Variants in PHF21A observed in about 807,000 individuals in gnomAD.
PHF21A encodes the protein BHC80a.
PHF21A carries 11 observed loss-of-function variants against 82.5 expected under a neutral mutation model. The observed-to-expected ratio is 0.13, with a 90% CI of 0.08 to 0.22. The LOEUF (loss-of-function observed/expected upper bound fraction) is 0.22. PHF21A is among the 10% of genes least tolerant of loss of function. PHF21A has a pLI of 1.00. For synonymous variants in PHF21A, 297 were observed against 302.8 expected, an observed-to-expected ratio of 0.98 and a Z score of 0.20; for missense variants, 579 against 837.8, an observed-to-expected ratio of 0.69 and a Z score of 3.81.
chr11:46,097,342 G>A (rs1274384829), intron 1 of PHF21A, among the ~76,000 whole-genome samples: 3 of 151,978 alleles, frequency 2.0e-5, no homozygotes, highest in African/African-American at 7.2e-5. Context: ...TCTGCCACTC[G>A]AAGCCGTCCC....
chr11:46,058,343 C>T (rs766819387), intron 6 of PHF21A, among the ~76,000 whole-genome samples: 1 of 152,102 alleles, frequency 6.6e-6, no homozygotes, highest in African/African-American at 2.4e-5. Context: ...GTTGGTAAAA[C>T]GAAACCTGAT....
rs75062866 is a variant in PHF21A, at chr11:46,031,728, C to T, written c.153+45026G>A. On this transcript the variant is annotated intron_variant, in intron 6 of 18. Transcript: ENST00000676320. The stretch of plus-strand genomic sequence containing the variant: ...AGACTCTTTTTTCCTCTGGCTTTGT[C>T]TGTTAGGTCTAATAGTGTCTGGAAA... Among the ~76,000 whole-genome samples, 775 of 152,254 alleles carry T rather than the reference C, an allele frequency of 5.1e-3. 45 individuals are homozygous for T. In the East Asian group the frequency reaches 0.13, roughly 26 times the overall value.
intron 6 of PHF21A, among the ~76,000 whole-genome samples, chr11:46,006,915 A>G (rs2137204287): frequency 6.6e-6 from 1 of 152,350 alleles, no homozygotes; most frequent in East Asian, 1.9e-4. Flanking sequence ...TGCAAAGTCA[A>G]AGTCAGAACA....
chr11:46,112,537 A>C (rs2097228743), intron 1 of PHF21A, among the ~76,000 whole-genome samples: 1 of 152,206 alleles, frequency 6.6e-6, no homozygotes, highest in Non-Finnish European at 1.5e-5. Flanking sequence ...ATAAAAATAT[A>C]AATAAATTAT....
chr11:46,113,831 A>G (rs1159571452), intron 1 of PHF21A, among the ~76,000 whole-genome samples: 1 of 152,072 alleles, frequency 6.6e-6, no homozygotes, highest in African/African-American at 2.4e-5. Context: ...TCTCAAAAAA[A>G]AAAAAAAAAA....
intron 1 of PHF21A, among the ~76,000 whole-genome samples, chr11:46,105,999 TA>T (rs910246589): frequency 6.6e-6 from 1 of 152,218 alleles, no homozygotes; most frequent in Non-Finnish European, 1.5e-5. Context: ...TACTAACATG[TA>T]ATATACAGAA....
intron 1 of PHF21A, among the ~76,000 whole-genome samples, chr11:46,108,081 TTTTTA>T (rs2097171382): frequency 1.3e-5 from 2 of 152,208 alleles, no homozygotes; most frequent in South Asian, 2.1e-4. Flanking sequence ...AAAATCCTAC[TTTTTA>T]TTTTTTCTTT....
rs2097192423 is a variant in PHF21A, at chr11:46,109,893, A to C, written c.-237+11042T>G. 2.0e-5 allele frequency among the ~76,000 whole-genome samples: 3 copies of C among 151,904 alleles called. 1 individual carries two copies. The South Asian group carries it at 6.2e-4, about 32-fold the overall frequency. ...TACTCGGGAAGGCTGAGGAAGGAGA[A>C]TCACTTGAACCTAGGAGGTAGTGGT... is the stretch of plus-strand genomic sequence containing the variant. On this transcript the variant is annotated intron_variant, in intron 1 of 18. Coordinates refer to ENST00000676320, the MANE Select transcript of PHF21A (RefSeq NM_001352027.3).
intron 7 of PHF21A, among the ~76,000 whole-genome samples, chr11:45,972,897 G>C (rs984649898): frequency 6.6e-6 from 1 of 151,478 alleles, no homozygotes; most frequent in Non-Finnish European, 1.5e-5. Flanking sequence ...TGGTGAGAGA[G>C]CGAGTCTCCG....
intron 7 of PHF21A, among the ~76,000 whole-genome samples, chr11:45,977,228 C>G (rs2094074626): frequency 6.6e-6 from 1 of 151,254 alleles, no homozygotes; most frequent in Non-Finnish European, 1.5e-5. Flanking sequence ...CCTCTGTTGC[C>G]CGGGTTCAAG....
intron 6 of PHF21A, among the ~76,000 whole-genome samples, chr11:46,042,491 T>C (rs2096169328): frequency 6.6e-6 from 1 of 152,166 alleles, no homozygotes; most frequent in Non-Finnish European, 1.5e-5. Flanking sequence ...ATGGTTTTTA[T>C]AAATCCTAGA....
At position 45,974,001 on chromosome 11, in the gene PHF21A, C is replaced by T. The variant is rs372727495; in HGVS notation, c.361-2634G>A. On this transcript the variant is annotated intron_variant, in intron 7 of 18. Coordinates refer to ENST00000676320, the MANE Select transcript of PHF21A (RefSeq NM_001352027.3). ...GCCTCAAACTCACCTGAATTATATA[C>T]TTACCATTAACCCAACACTTTAAAA... 1.1e-3 allele frequency among the ~76,000 whole-genome samples: 162 copies of T among 152,292 alleles called. 5 individuals carry two copies. The South Asian group carries it at 0.033, about 31-fold the overall frequency.
At chr11:45,947,896 G>C (rs2091526666) in intron 14 of PHF21A, among the ~76,000 whole-genome samples, 1 of 152,226 alleles carries the variant, frequency 6.6e-6, no homozygotes, top group Non-Finnish European at 1.5e-5. Flanking sequence ...TTGAAGGACA[G>C]GACTGATGAA....
intron 10 of PHF21A, among the ~76,000 whole-genome samples, chr11:45,958,317 C>T (rs1221827688): frequency 1.4e-5 from 2 of 140,660 alleles, no homozygotes; most frequent in Non-Finnish European, 3.0e-5. Flanking sequence ...TGGTGGCTCA[C>T]TTTGAGAGGC....
At chr11:45,991,293 T>C (rs1451444291) in intron 6 of PHF21A, among the ~76,000 whole-genome samples, 2 of 152,220 alleles carry the variant, frequency 1.3e-5, no homozygotes, top group African/African-American at 2.4e-5. Flanking sequence ...TATGGTCTAA[T>C]GTAGTAGCTA....
intron 6 of PHF21A, among the ~76,000 whole-genome samples, chr11:46,060,668 T>G (rs1405490308): frequency 3.3e-5 from 5 of 152,238 alleles, no homozygotes. Context: ...GTAATGGGAC[T>G]GTTTTTTTCT....
intron 6 of PHF21A, among the ~76,000 whole-genome samples, chr11:46,044,835 A>AC (rs1400484709): frequency 6.6e-6 from 1 of 152,236 alleles, no homozygotes. Flanking sequence ...CAAAAAGCAG[A>AC]CAGGCCAATG....
chr11:46,080,864 ATGTT>A (rs1196817572), intron 4 of PHF21A, among the ~76,000 whole-genome samples: 1 of 151,348 alleles, frequency 6.6e-6, no homozygotes, highest in African/African-American at 2.4e-5. Flanking sequence ...AGGTCTCACT[ATGTT>A]ATCCAGGCTG....
At chr11:45,944,922 C>T (rs1328988564) in intron 15 of PHF21A, among the ~76,000 whole-genome samples, 1 of 152,160 alleles carries the variant, frequency 6.6e-6, no homozygotes, top group East Asian at 1.9e-4. Context: ...GCACGCCATG[C>T]CCGGCTAATT....
Sources: gnomAD v4.1 joint callset for allele counts (sites outside exome capture counted in the v4.1 genomes callset) on GRCh38, gnomAD v4.1.1 for gene constraint, MANE v1.5 for transcripts, NCBI Gene and HGNC (gene_info 2026-07-23, HGNC 2026-07-21) for gene names.